The following CCL28 variants were observed in gnomAD, a reference collection of about 807,000 sequenced individuals.
CCL28 encodes the protein C-C motif chemokine 28.
CCL28 carries 4 observed loss-of-function variants against 7.1 expected under a neutral mutation model. The ratio of observed to expected loss-of-function variants is 0.56; its 90% CI spans 0.28 to 1.29. CCL28 has a LOEUF of 1.29. Ranked by LOEUF, CCL28 falls within the 50% of genes most tolerant of loss-of-function variation. The pLI is 0.11. For missense variants in CCL28, 151 were observed against 163.4 expected (o/e 0.92, Z 0.41); for synonymous variants, 55 against 57.8 (o/e 0.95, Z 0.22).
At chr5:43,401,560 A>C (rs1334347689) in intron 1 of CCL28, among the ~76,000 whole-genome samples, 2 of 152,066 alleles carry the variant, frequency 1.3e-5, no homozygotes, top group Non-Finnish European at 2.9e-5. Flanking sequence ...TTTTTTCTGT[A>C]ATATGGGGGT....
At chr5:43,368,500 T>C in the CCL28 span, among the ~76,000 whole-genome samples, 1 of 152,314 alleles carries the variant, frequency 6.6e-6, no homozygotes, top group Non-Finnish European at 1.5e-5. Context: ...CTCTGAGTCA[T>C]GTACTTTAAA....
the CCL28 span, among the ~76,000 whole-genome samples, chr5:43,361,428 A>G: frequency 6.5e-3 from 984 of 152,256 alleles, 11 homozygotes; most frequent in African/African-American, 0.023. Context: ...ATTTTCTCCC[A>G]TTCTGTAGGT....
At chr5:43,387,585 CT>C (rs1740390376) in intron 2 of CCL28, among the ~76,000 whole-genome samples, 1 of 152,132 alleles carries the variant, frequency 6.6e-6, no homozygotes. Context: ...TTCCACGCTT[CT>C]TTTTGAACCT....
At position 43,381,851 on chromosome 5, in the gene CCL28, G is replaced by A. The variant is rs778123634; in HGVS notation, c.*9C>T. On this transcript the variant is annotated 3_prime_UTR_variant, in exon 3 of 3. Coordinates refer to ENST00000361115, the MANE Select transcript of CCL28 (RefSeq NM_148672.3). ...AGGAATTGTCTCTGTAGATTTATCT[G>A]TAGACTCTCTAATAAGGAGTTTTAT... is the stretch of plus-strand genomic sequence containing the variant. 4 of 1,605,828 alleles carry A rather than the reference G, an allele frequency of 2.5e-6. No individual in the cohort carries two copies. In the South Asian group the frequency reaches 4.4e-5, roughly 18 times the overall value.
chr5:43,381,943 T>C lies in CCL28; in HGVS notation c.301A>G (p.Arg101Gly). 3 of 1,614,188 alleles carry C rather than the reference T, an allele frequency of 1.9e-6. No homozygotes were observed. The highest frequency in any genetic ancestry group is 2.5e-6 in the Non-Finnish European group (3 of 1,180,012). ...KKNGKGNVCH[R>G]KKHHGKRNSN... ...TTCCTCTTGCCATGGTGTTTCTTCC[T>C]GTGGCAAACATTTCCTTTACCATTT... The change falls in exon 3 of 3, where the codon AGG (arginine) becomes GGG (glycine). Residue 101 changes from arginine to glycine, a missense_variant. Transcript: ENST00000361115.
At position 43,382,538 on chromosome 5, in the gene CCL28, G is replaced by A. The variant is rs1023162557; in HGVS notation, c.192-486C>T. Among the ~76,000 whole-genome samples the A allele has an allele frequency of 1.1e-4, 16 of 152,046 alleles. 1 individual carries two copies. Among genetic ancestry groups the A allele is most frequent in the Non-Finnish European group, 2.9e-5 (2 of 68,028 alleles). On this transcript the variant is annotated intron_variant, in intron 2 of 2. Transcript: ENST00000361115. Reference sequence around the variant, plus strand: ...TCTTTTTTCCCCTCTGATTCTCCACGGTGAGAGTTATCTCTTTTCTGGCAC... The same window carrying A: ...TCTTTTTTCCCCTCTGATTCTCCACAGTGAGAGTTATCTCTTTTCTGGCAC...
chr5:43,361,254 C>T, the CCL28 span, among the ~76,000 whole-genome samples: 2 of 152,186 alleles, frequency 1.3e-5, no homozygotes, highest in African/African-American at 4.8e-5. Context: ...CATGTCTTTG[C>T]TATTGTGAAC....
the CCL28 span, among the ~76,000 whole-genome samples, chr5:43,357,505 T>C: frequency 6.6e-6 from 1 of 152,176 alleles, no homozygotes; most frequent in Non-Finnish European, 1.5e-5. Context: ...TGCCATGGCA[T>C]TGGGGAAGTA....
intron 2 of CCL28, among the ~76,000 whole-genome samples, chr5:43,385,608 GA>G (rs1483560516): frequency 1.3e-5 from 2 of 152,058 alleles, no homozygotes; most frequent in African/African-American, 4.8e-5. Context: ...TGAACATCAG[GA>G]AACACAACAG....
the CCL28 span, among the ~76,000 whole-genome samples, chr5:43,370,797 A>G: frequency 7.0e-6 from 1 of 143,720 alleles, no homozygotes; most frequent in South Asian, 2.2e-4. Context: ...GGTGGAGTGC[A>G]GTGGCGTGAC....
chr5:43,378,045 T>C (rs1232712841), downstream of CCL28, among the ~76,000 whole-genome samples: 1 of 152,130 alleles, frequency 6.6e-6, no homozygotes, highest in African/African-American at 2.4e-5. Flanking sequence ...ACTTAAACTT[T>C]TTAAAGGATT....
intron 2 of CCL28, among the ~76,000 whole-genome samples, chr5:43,386,022 C>T (rs531136216): frequency 1.3e-5 from 2 of 152,234 alleles, no homozygotes; most frequent in African/African-American, 4.8e-5. Flanking sequence ...TTCTCCAAGC[C>T]TTTCTGGGAG....
intron 1 of CCL28, among the ~76,000 whole-genome samples, chr5:43,402,335 T>C (rs754527): frequency 0.66 from 99,845 of 152,018 alleles, 34,621 homozygotes; most frequent in African/African-American, 0.87. Context: ...TAATAGGACC[T>C]TGATTAATAT....
intron 1 of CCL28, among the ~76,000 whole-genome samples, chr5:43,391,648 A>G (rs768331402): frequency 6.6e-6 from 1 of 152,232 alleles, no homozygotes; most frequent in Non-Finnish European, 1.5e-5. Context: ...ATTTTTAAGT[A>G]ACTGTTTCCA....
chr5:43,366,617 T>A, the CCL28 span, among the ~76,000 whole-genome samples: 4 of 152,332 alleles, frequency 2.6e-5, no homozygotes, highest in South Asian at 8.3e-4. Flanking sequence ...TCATGAGGCA[T>A]GGGGGTCAGG....
rs533882884 is a variant in CCL28, at chr5:43,384,129, T to G, written c.192-2077A>C. On this transcript the variant is annotated intron_variant, in intron 2 of 2. Coordinates refer to ENST00000361115, the MANE Select transcript of CCL28 (RefSeq NM_148672.3). ...AGAGAAGATTTCTGTGACATGCAGATAAGCCCATAAGTTACACAGGAAAGA... is the reference window on the plus strand; with the variant it reads ...AGAGAAGATTTCTGTGACATGCAGAGAAGCCCATAAGTTACACAGGAAAGA... 11 of 154,802 alleles carry G rather than the reference T, an allele frequency of 7.1e-5. No individual in the cohort carries two copies. The South Asian group carries it at 1.9e-3, about 27-fold the overall frequency. The allele number at this position is 154,802 out of a possible 1,614,324, so 9.6% of individuals were successfully genotyped here.
chr5:43,377,953 CGATCTCCTGACCTCGT>C (rs1739951579), downstream of CCL28, among the ~76,000 whole-genome samples: 1 of 151,152 alleles, frequency 6.6e-6, no homozygotes, highest in Non-Finnish European at 1.5e-5. Context: ...GGGATGGTCT[CGATCTCCTGACCTCGT>C]GATCCGCCCG....
At chr5:43,398,420 T>A (rs912359661) in intron 1 of CCL28, among the ~76,000 whole-genome samples, 6 of 152,202 alleles carry the variant, frequency 3.9e-5, no homozygotes, top group African/African-American at 1.4e-4. Context: ...AGATGGGACC[T>A]CACTTTGTGC....
chr5:43,377,236 AT>A (rs1470791898), downstream of CCL28: 1 of 152,496 alleles, frequency 6.6e-6, no homozygotes, highest in East Asian at 1.9e-4. Flanking sequence ...CATGCCTGTA[AT>A]CCCAGCACTT....
Sources: gnomAD v4.1 joint callset for allele counts (sites outside exome capture counted in the v4.1 genomes callset) on GRCh38, gnomAD v4.1.1 for gene constraint, MANE v1.5 for transcripts, NCBI Gene and HGNC (gene_info 2026-07-23, HGNC 2026-07-21) for gene names.